Variants in LANCL1 observed in about 807,000 individuals in gnomAD.
The protein encoded by LANCL1 is glutathione S-transferase LANCL1.
A neutral mutation model predicts 50.6 loss-of-function variants in LANCL1; 50 were observed. The ratio of observed to expected loss-of-function variants is 0.99; its 90% CI spans 0.79 to 1.25. LANCL1 has a LOEUF of 1.25. Ranked by LOEUF, LANCL1 falls within the 50% of genes most tolerant of loss-of-function variation. The pLI is 0.00. For synonymous variants in LANCL1, 188 were observed against 178.6 expected, an observed-to-expected ratio of 1.05 and a Z score of -0.42; for missense variants, 532 against 480.7, an observed-to-expected ratio of 1.11 and a Z score of -1.00.
intron 3 of LANCL1, among the ~76,000 whole-genome samples, chr2:210,455,796 TTGTG>T (rs1192606793): frequency 4.0e-5 from 6 of 150,852 alleles, no homozygotes; most frequent in East Asian, 1.9e-4. Flanking sequence ...AAAGTTTGTT[TTGTG>T]TGTGTGTGTG....
chr2:210,444,092 C>G (rs1035180325), intron 4 of LANCL1, among the ~76,000 whole-genome samples: 1 of 152,164 alleles, frequency 6.6e-6, no homozygotes, highest in Non-Finnish European at 1.5e-5. Context: ...CAGAATTGGG[C>G]ACCCACTTGT....
chr2:210,437,150 G>C (rs1692960508), intron 7 of LANCL1, among the ~76,000 whole-genome samples: 1 of 151,998 alleles, frequency 6.6e-6, no homozygotes, highest in East Asian at 1.9e-4. Context: ...CTTTCTATTA[G>C]TGTTATTTAT....
intron 4 of LANCL1, among the ~76,000 whole-genome samples, chr2:210,449,807 A>G (rs1173236131): frequency 6.6e-6 from 1 of 152,224 alleles, no homozygotes; most frequent in African/African-American, 2.4e-5. Context: ...GACCTCTTCA[A>G]GGAGGACTAC....
chr2:210,445,093 T>C (rs998820985), intron 4 of LANCL1, among the ~76,000 whole-genome samples: 32 of 152,308 alleles, frequency 2.1e-4, no homozygotes, highest in African/African-American at 7.7e-4. Flanking sequence ...TGTCAAATTA[T>C]ATAGAAGTTC....
chr2:210,471,877 C>A, intron 3 of LANCL1, 82 bp downstream of exon 3: 2 of 957,696 alleles, frequency 2.1e-6, no homozygotes, highest in Admixed American at 1.7e-5. Flanking sequence ...TAAGGGTGTA[C>A]CATTCAGACA....
At chr2:210,441,464 C>A in intron 4 of LANCL1, 21 bp from the exon 5 acceptor site, 6 of 1,583,974 alleles carry the variant, frequency 3.8e-6, no homozygotes, top group South Asian at 3.5e-5. Context: ...AAATACATGC[C>A]CCAAATAATT....
intron 4 of LANCL1, among the ~76,000 whole-genome samples, chr2:210,443,343 C>T (rs527494687): frequency 6.6e-6 from 1 of 152,158 alleles, no homozygotes; most frequent in African/African-American, 2.4e-5. Context: ...AAGTGCATCT[C>T]AATCATCCCT....
intron 7 of LANCL1, among the ~76,000 whole-genome samples, chr2:210,436,999 C>T (rs1692953210): frequency 6.6e-6 from 1 of 152,220 alleles, no homozygotes; most frequent in African/African-American, 2.4e-5. Context: ...GAATATGATA[C>T]ACTAAAAGCT....
chr2:210,472,767 A>G (rs1694261180), intron 2 of LANCL1, among the ~76,000 whole-genome samples: 1 of 152,216 alleles, frequency 6.6e-6, no homozygotes, highest in Non-Finnish European at 1.5e-5. Context: ...AGTCAGGATA[A>G]TAATAACTGC....
chr2:210,439,153 T>G (rs1377536214), intron 6 of LANCL1, among the ~76,000 whole-genome samples: 5 of 152,204 alleles, frequency 3.3e-5, no homozygotes, highest in African/African-American at 1.2e-4. Flanking sequence ...GGCCTAAAAA[T>G]AATGATGTTT....
At chr2:210,461,195 G>T (rs370739954) in intron 3 of LANCL1, among the ~76,000 whole-genome samples, 3 of 151,950 alleles carry the variant, frequency 2.0e-5, no homozygotes, top group Non-Finnish European at 4.4e-5. Context: ...CAATGGTGGT[G>T]TCTAAACTCC....
intron 4 of LANCL1, among the ~76,000 whole-genome samples, chr2:210,443,292 A>T (rs1428779597): frequency 6.6e-6 from 1 of 152,172 alleles, no homozygotes; most frequent in Non-Finnish European, 1.5e-5. Context: ...GGGAAGAAAA[A>T]TGTCCTTGCT....
intron 3 of LANCL1, among the ~76,000 whole-genome samples, chr2:210,467,365 T>C (rs1694098486): frequency 6.6e-6 from 1 of 152,172 alleles, no homozygotes; most frequent in Admixed American, 6.5e-5. Context: ...TCCCTTCACT[T>C]CTTCTGCCTC....
chr2:210,431,271 A>G lies in LANCL1; in HGVS notation c.*3216T>C, dbSNP rs954759666. 3 of 152,242 alleles carry G rather than the reference A, an allele frequency of 2.0e-5. No individual in the cohort carries two copies. Among genetic ancestry groups the G allele is most frequent in the Non-Finnish European group, 4.4e-5 (3 of 68,040 alleles). The allele number at this position is 152,242 out of a possible 1,614,324, so 9.4% of individuals were successfully genotyped here. On this transcript the variant is annotated 3_prime_UTR_variant, in exon 10 of 10. Transcript: ENST00000450366. ...TGATATATAGTCCTAATAAAATTTTATTGAGAACTAGTAAGTCAAATACTT... is the reference window on the plus strand; with the variant it reads ...TGATATATAGTCCTAATAAAATTTTGTTGAGAACTAGTAAGTCAAATACTT...
At chr2:210,435,916 T>TTTG (rs1559704562) in intron 8 of LANCL1, among the ~76,000 whole-genome samples, 2 of 147,310 alleles carry the variant, frequency 1.4e-5, no homozygotes, top group Non-Finnish European at 1.5e-5. Context: ...TTTTTTTTTT[T>TTTG]TTGAGATGGA....
rs1692756440 is a variant in LANCL1 at position 210,431,868 on chromosome 2, T to C, written c.*2619A>G. ...AATAGGATAATGTTAACTTTTTACA[T>C]GATGAAAAGTTAACTATTTGCAATT... On this transcript the variant is annotated 3_prime_UTR_variant, in exon 10 of 10. Coordinates refer to ENST00000450366, the MANE Select transcript of LANCL1 (RefSeq NM_006055.3). 1 of 152,184 alleles carries C rather than the reference T, an allele frequency of 6.6e-6. No homozygotes were observed. The highest frequency in any genetic ancestry group is 1.5e-5 in the Non-Finnish European group (1 of 68,026). 9.4% of individuals were successfully genotyped at this position (152,184 alleles called of 1,614,324 possible).
chr2:210,467,443 C>T (rs549066975), intron 3 of LANCL1, among the ~76,000 whole-genome samples: 5 of 152,276 alleles, frequency 3.3e-5, no homozygotes, highest in Admixed American at 6.5e-5. Flanking sequence ...AATGTGAAAA[C>T]GAGGATGAAG....
intron 4 of LANCL1, among the ~76,000 whole-genome samples, chr2:210,451,967 C>T (rs952804749): frequency 3.3e-5 from 5 of 151,976 alleles, no homozygotes; most frequent in Admixed American, 6.6e-5. Flanking sequence ...ATATAAAATA[C>T]GTAAAATAAG....
At chr2:210,453,946 T>A (rs1693584817) in intron 4 of LANCL1, among the ~76,000 whole-genome samples, 1 of 152,158 alleles carries the variant, frequency 6.6e-6, no homozygotes, top group African/African-American at 2.4e-5. Flanking sequence ...TCAGTTTTTT[T>A]CCTCTAGACA....
Sources: gnomAD v4.1 joint callset for allele counts (sites outside exome capture counted in the v4.1 genomes callset) on GRCh38, gnomAD v4.1.1 for gene constraint, MANE v1.5 for transcripts, NCBI Gene and HGNC (gene_info 2026-07-23, HGNC 2026-07-21) for gene names.